CHIC1: variants seen among roughly 807,000 people sequenced by gnomAD.
CHIC1 encodes cysteine-rich hydrophobic domain-containing protein 1.
In CHIC1, 7 loss-of-function variants were observed where a neutral mutation model predicts 18.5. The ratio of observed to expected loss-of-function variants is 0.38; its 90% CI spans 0.22 to 0.71. The LOEUF (loss-of-function observed/expected upper bound fraction) is 0.71, where lower values mean the gene tolerates loss of function less well. Among genes scored for constraint, CHIC1 ranks in the 30% least tolerant of loss-of-function variants. CHIC1 has a pLI of 0.49. For missense variants in CHIC1, 159 were observed against 176.9 expected, an observed-to-expected ratio of 0.90 and a Z score of 0.57; for synonymous variants, 77 against 73.5, an observed-to-expected ratio of 1.05 and a Z score of -0.25.
chrX:73,679,272 G>C (rs1443590386), intron 3 of CHIC1, 54 bp from the exon 4 acceptor site: 3 of 787,798 alleles, frequency 3.8e-6, no homozygotes, highest in Non-Finnish European at 5.7e-6. Flanking sequence ...GATGCACATA[G>C]TTTACAAAGC....
intron 3 of CHIC1, among the ~76,000 whole-genome samples, chrX:73,660,946 C>T (rs113082922): frequency 0.034 from 3,754 of 111,847 alleles, 158 homozygotes; most frequent in African/African-American, 0.11. Context: ...TTTAAGAAAT[C>T]AAGGGTAAAT....
chrX:73,638,726 G>A (rs1391400944), intron 3 of CHIC1, among the ~76,000 whole-genome samples: 2 of 110,574 alleles, frequency 1.8e-5, no homozygotes, highest in Admixed American at 9.6e-5. Context: ...TTCCCTCTTT[G>A]TGTCCCTGTG....
chrX:73,615,703 C>T (rs1294205976), intron 3 of CHIC1, among the ~76,000 whole-genome samples: 1 of 111,110 alleles, frequency 9.0e-6, no homozygotes, highest in East Asian at 2.9e-4. Flanking sequence ...GATGTGTCCT[C>T]AGGCCCTCTG....
chrX:73,581,258 A>T (rs1201501396), intron 2 of CHIC1, among the ~76,000 whole-genome samples: 1 of 110,954 alleles, frequency 9.0e-6, no homozygotes, highest in African/African-American at 3.3e-5. Flanking sequence ...TCTTCTGTTT[A>T]CAGAGTCTCT....
Position 73,684,064 on chromosome X carries a change from C to T in CHIC1, c.*3059C>T, listed in dbSNP as rs1279855280. On this transcript the variant is annotated 3_prime_UTR_variant, in exon 6 of 6. Transcript: ENST00000373502. The stretch of plus-strand genomic sequence containing the variant: ...GTAGATGATTAGATTAGAAATCATC[C>T]TTTTCAACTAGGTCTAAGAATACTT... The T allele has an allele frequency of 1.8e-5, 2 of 111,460 alleles. No individual in the cohort carries two copies. The highest frequency in any genetic ancestry group is 6.5e-5 in the African/African-American group (2 of 30,712). 9.2% of individuals were successfully genotyped at this position (111,460 alleles called of 1,213,427 possible). A position where few individuals can be genotyped will look rare whatever the true frequency, so the allele number is the denominator to read the frequency against.
intron 3 of CHIC1, among the ~76,000 whole-genome samples, chrX:73,616,146 T>G (rs1007561990): frequency 1.8e-5 from 2 of 110,799 alleles, no homozygotes; most frequent in East Asian, 5.7e-4. Flanking sequence ...CTGTAGCTGC[T>G]TAGGACTTGT....
chrX:73,664,669 A>C (rs748196131), intron 3 of CHIC1, among the ~76,000 whole-genome samples: 1 of 111,600 alleles, frequency 9.0e-6, no homozygotes, highest in Non-Finnish European at 1.9e-5. Context: ...GTTGAACTCC[A>C]CTTTGGGGAA....
At chrX:73,587,383 C>T (rs2057558197) in intron 3 of CHIC1, among the ~76,000 whole-genome samples, 1 of 111,617 alleles carries the variant, frequency 9.0e-6, no homozygotes, top group Non-Finnish European at 1.9e-5. Flanking sequence ...TTTACTTGTT[C>T]TTCTATCTAC....
chrX:73,679,697 G>C lies in CHIC1; in HGVS notation c.608G>C (p.Ser203Thr). 1 of 1,093,477 alleles carries C rather than the reference G, an allele frequency of 9.1e-7. No homozygotes were observed. The highest frequency in any genetic ancestry group is 1.8e-5 in the African/African-American group (1 of 54,302). The allele number at this position is 1,093,477 out of a possible 1,213,427, so 90.1% of individuals were successfully genotyped here. A position where few individuals can be genotyped will look rare whatever the true frequency, so the allele number is the denominator to read the frequency against. ...TTGACTAAGAGGAAATGTGAAACTAGCAATATGATGGAGTATGTAAGTATG... is the reference window on the plus strand; with the variant it reads ...TTGACTAAGAGGAAATGTGAAACTACCAATATGATGGAGTATGTAAGTATG... Reference protein sequence around the residue: ...WKLTKRKCETSNMMEYVILIE... With the variant: ...WKLTKRKCETTNMMEYVILIE... The change falls in exon 5 of 6, where the codon AGC becomes ACC. Residue 203 changes from serine to threonine, a missense_variant. Transcript: ENST00000373502.
intron 3 of CHIC1, among the ~76,000 whole-genome samples, chrX:73,650,025 A>T (rs1018254157): frequency 3.6e-5 from 4 of 112,560 alleles, no homozygotes; most frequent in East Asian, 2.8e-4. Context: ...ACTCAGGATT[A>T]AGAAACTCAC....
chrX:73,619,551 G>A (rs183077916), intron 3 of CHIC1, among the ~76,000 whole-genome samples: 3 of 110,543 alleles, frequency 2.7e-5, no homozygotes, highest in African/African-American at 9.9e-5. Flanking sequence ...TTTGTTATAT[G>A]TTGTATGTTT....
At chrX:73,677,990 T>TG (rs755664801) in intron 3 of CHIC1, among the ~76,000 whole-genome samples, 8,492 of 99,541 alleles carry the variant, frequency 0.085, 483 homozygotes, top group African/African-American at 0.18. Context: ...TTTTGGAGGT[T>TG]GTTTTTTTTT....
intron 3 of CHIC1, among the ~76,000 whole-genome samples, chrX:73,658,248 GTTTT>G (rs869309622): frequency 3.6e-4 from 6 of 16,715 alleles, no homozygotes; most frequent in African/African-American, 1.4e-3. Flanking sequence ...CTGGTCCTAG[GTTTT>G]TTTTTTTTTT....
intron 3 of CHIC1, among the ~76,000 whole-genome samples, chrX:73,617,689 A>G (rs184560894): frequency 3.9e-4 from 44 of 111,604 alleles, no homozygotes; most frequent in Non-Finnish European, 6.8e-4. Context: ...ATCAGTTCTC[A>G]TGAGACTTAT....
At chrX:73,609,619 G>A (rs1397029714) in intron 3 of CHIC1, among the ~76,000 whole-genome samples, 1 of 109,534 alleles carries the variant, frequency 9.1e-6, no homozygotes, top group Non-Finnish European at 1.9e-5. Context: ...TGTTGTCCAG[G>A]TTGGCCTTGA....
chrX:73,592,517 G>C (rs12690317), intron 3 of CHIC1, among the ~76,000 whole-genome samples: 1 of 111,365 alleles, frequency 9.0e-6, no homozygotes, highest in Non-Finnish European at 1.9e-5. Context: ...TTATTGATTC[G>C]CATATGTTGA....
chrX:73,656,895 G>A (rs1216039811), intron 3 of CHIC1, among the ~76,000 whole-genome samples: 1 of 111,071 alleles, frequency 9.0e-6, no homozygotes, highest in Admixed American at 9.6e-5. Context: ...TTTGGGCAGT[G>A]TGGTTATTTT....
chrX:73,567,054 C>T (rs988627306), intron 1 of CHIC1, among the ~76,000 whole-genome samples: 3 of 111,553 alleles, frequency 2.7e-5, no homozygotes, highest in Non-Finnish European at 5.6e-5. Flanking sequence ...TTTTATTTTT[C>T]TGGCAGTTTC....
At chrX:73,649,651 A>T (rs2057906062) in intron 3 of CHIC1, among the ~76,000 whole-genome samples, 1 of 112,343 alleles carries the variant, frequency 8.9e-6, no homozygotes, top group South Asian at 3.7e-4. Context: ...TATCCTAAAC[A>T]TATATGCACC....
Sources: allele counts gnomAD v4.1 joint callset (sites outside exome capture counted in the v4.1 genomes callset), GRCh38; gene constraint gnomAD v4.1.1; transcripts MANE v1.5; gene names NCBI Gene and HGNC (gene_info 2026-07-23, HGNC 2026-07-21).